CHD9: variants seen among roughly 807,000 people sequenced by gnomAD.
The protein encoded by CHD9 is ATP-dependent chromatin remodeler CHD9.
In CHD9, 77 loss-of-function variants were observed where a neutral mutation model predicts 316.1. The observed-to-expected ratio is 0.24, with a 90% confidence interval of 0.20 to 0.29. CHD9 has a LOEUF of 0.29. Among genes scored for constraint, CHD9 ranks in the 10% least tolerant of loss-of-function variants. The pLI is 1.00. For synonymous variants in CHD9, 1,129 were observed against 1,158.3 expected (o/e 0.97, Z 0.51); for missense variants, 2,763 against 3,438.1 (o/e 0.80, Z 4.91).
chr16:53,175,523 C>G (rs1199838628), intron 2 of CHD9, among the ~76,000 whole-genome samples: 1 of 152,196 alleles, frequency 6.6e-6, no homozygotes, highest in Non-Finnish European at 1.5e-5. Context: ...CCCTATTACT[C>G]CATCTTGGCC....
At chr16:53,124,220 C>G (rs2038870543) in intron 1 of CHD9, among the ~76,000 whole-genome samples, 1 of 152,156 alleles carries the variant, frequency 6.6e-6, no homozygotes, top group Non-Finnish European at 1.5e-5. Flanking sequence ...TCTACTTTCT[C>G]TGCATCTTCA....
chr16:53,067,785 C>T (rs1427635401), intron 1 of CHD9, among the ~76,000 whole-genome samples: 1 of 152,134 alleles, frequency 6.6e-6, no homozygotes, highest in African/African-American at 2.4e-5. Flanking sequence ...GTAAAGTTAA[C>T]TCATTTTCCT....
In CHD9 at chr16:53,238,434, G is replaced by C. The variant is rs1346238993; in HGVS notation, c.2725G>C (p.Gly909Arg). ...TGAAATCCTTCTGACTGGTATAAGA[G>C]GACCTTTCCTGATTATTGCTCCACT... The part of the protein sequence containing the change: ...LYEILLTGIR[G>R]PFLIIAPLST... The change falls in exon 12 of 39, where the codon GGA becomes CGA. Residue 909 changes from glycine to arginine, a missense_variant. Physicochemically the swap from Gly to Arg is moderately radical, Grantham distance 125. This residue lies in a region of CHD9 where 186 missense variants were observed against 245.0 expected (regional missense o/e 0.76). Transcript: ENST00000447540. The C allele has an allele frequency of 6.2e-7, 1 of 1,613,180 alleles. No homozygotes were observed.
rs1160039751 is a variant in CHD9, at chr16:53,286,382, C to G, written c.5189+39C>G. On this transcript the variant is annotated intron_variant, in intron 26 of 38. Transcript: ENST00000447540. ...AGAGTCATGAATTTTCTATATATCTCTCTTCTATTCAATATCAGCATATTC... is the reference window on the plus strand; with the variant it reads ...AGAGTCATGAATTTTCTATATATCTGTCTTCTATTCAATATCAGCATATTC... 3 of 1,037,992 alleles carry G rather than the reference C, an allele frequency of 2.9e-6. No individual in the cohort carries two copies. In the East Asian group the frequency reaches 7.2e-5, roughly 25 times the overall value. The allele number at this position is 1,037,992 out of a possible 1,614,324, so 64.3% of individuals were successfully genotyped here. A position where few individuals can be genotyped will look rare whatever the true frequency, so the allele number is the denominator to read the frequency against.
chr16:53,186,260 G>A (rs562326377), intron 2 of CHD9, among the ~76,000 whole-genome samples: 3 of 152,326 alleles, frequency 2.0e-5, no homozygotes, highest in South Asian at 2.1e-4. Context: ...TGCCCTGGAT[G>A]TGAGACATGG....
At chr16:53,153,311 T>G (rs1327273094) in intron 1 of CHD9, among the ~76,000 whole-genome samples, 1 of 151,842 alleles carries the variant, frequency 6.6e-6, no homozygotes, top group East Asian at 1.9e-4. Flanking sequence ...ATGAGAGAAA[T>G]AGCAGCTTGT....
intron 2 of CHD9, among the ~76,000 whole-genome samples, chr16:53,202,194 C>T (rs142597563): frequency 1.1e-3 from 169 of 152,136 alleles, no homozygotes; most frequent in African/African-American, 3.8e-3. Flanking sequence ...AACTACAAAA[C>T]CAGTTTCACA....
chr16:53,109,525 G>A (rs565547269), intron 1 of CHD9, among the ~76,000 whole-genome samples: 1 of 151,732 alleles, frequency 6.6e-6, no homozygotes, highest in South Asian at 2.1e-4. Flanking sequence ...AGTAGAGACA[G>A]GGTTTCACCA....
At chr16:53,177,673 AT>A (rs1033973734) in intron 2 of CHD9, among the ~76,000 whole-genome samples, 4 of 152,120 alleles carry the variant, frequency 2.6e-5, no homozygotes, top group African/African-American at 7.2e-5. Context: ...CTTACTCCTA[AT>A]TTTTGTTGGT....
chr16:53,135,347 A>G (rs915533624), intron 1 of CHD9, among the ~76,000 whole-genome samples: 3 of 152,324 alleles, frequency 2.0e-5, no homozygotes, highest in Middle Eastern at 3.4e-3. Flanking sequence ...TTTAATCTAC[A>G]TTTTAAAAAT....
chr16:53,296,257 C>A (rs144992546), intron 29 of CHD9, among the ~76,000 whole-genome samples: 2 of 152,012 alleles, frequency 1.3e-5, no homozygotes, highest in African/African-American at 4.8e-5. Context: ...TTGATTTTAT[C>A]TTTTTCCTGA....
At chr16:53,297,892 T>G (rs1004857339) in intron 30 of CHD9, among the ~76,000 whole-genome samples, 6 of 152,258 alleles carry the variant, frequency 3.9e-5, no homozygotes, top group African/African-American at 1.4e-4. Context: ...ACTTGATTAC[T>G]AGGTAATTCA....
intron 2 of CHD9, among the ~76,000 whole-genome samples, chr16:53,183,234 CTT>C (rs530064531): frequency 4.3e-4 from 66 of 152,268 alleles, no homozygotes; most frequent in South Asian, 1.7e-3. Context: ...GTATTTGTTT[CTT>C]TCCTTTTTTT....
intron 1 of CHD9, among the ~76,000 whole-genome samples, chr16:53,065,799 G>T (rs989545203): frequency 6.6e-6 from 1 of 152,118 alleles, no homozygotes; most frequent in African/African-American, 2.4e-5. Flanking sequence ...TGCCTTTTTG[G>T]AGCTCCTCAC....
chr16:53,320,166 A>T lies in CHD9; in HGVS notation c.7714-1360A>T, dbSNP rs2057167153. On this transcript the variant is annotated intron_variant, in intron 37 of 38. Coordinates refer to ENST00000447540, the MANE Select transcript of CHD9 (RefSeq NM_001308319.2). ...ATTCCAGCCTGGGCCACAGAGTGAGACCTTAAAAAAAAGTGAGTGAGTGAG... is the reference window on the plus strand; with the variant it reads ...ATTCCAGCCTGGGCCACAGAGTGAGTCCTTAAAAAAAAGTGAGTGAGTGAG... Among the ~76,000 whole-genome samples, 2 of 149,660 alleles carry T rather than the reference A, an allele frequency of 1.3e-5. 1 individual carries two copies. Among genetic ancestry groups the T allele is most frequent in the South Asian group, 4.2e-4 (2 of 4,710 alleles).
intron 2 of CHD9, among the ~76,000 whole-genome samples, chr16:53,177,559 A>G (rs775559794): frequency 6.6e-6 from 1 of 152,206 alleles, no homozygotes; most frequent in African/African-American, 2.4e-5. Context: ...GATAGAGTCT[A>G]CATAGCCTTT....
At chr16:53,185,344 C>T (rs2043894792) in intron 2 of CHD9, among the ~76,000 whole-genome samples, 1 of 152,114 alleles carries the variant, frequency 6.6e-6, no homozygotes, top group South Asian at 2.1e-4. Flanking sequence ...GTCACTTTTG[C>T]TATGCAAAGA....
chr16:53,297,471 T>G (rs2054907629), intron 30 of CHD9, among the ~76,000 whole-genome samples: 1 of 152,202 alleles, frequency 6.6e-6, no homozygotes, highest in African/African-American at 2.4e-5. Context: ...TAACCTATAT[T>G]TTCAGTCCAT....
At position 53,247,342 on chromosome 16, in the gene CHD9, T is replaced by A; in HGVS notation, c.3504T>A (p.Ala1168=). Residue 1168 remains alanine, a synonymous_variant, in exon 16 of 39, where the codon GCT becomes GCA. Coordinates refer to ENST00000447540, the MANE Select transcript of CHD9 (RefSeq NM_001308319.2). ...AATTTAGAGATACTTACAATCCAGC[T>A]GCTTCTGATTTTCATCTTCAAGCAA... ...LGEFRDTYNP[A]ASDFHLQAMI... 1 of 1,606,482 alleles carries A rather than the reference T, an allele frequency of 6.2e-7. No homozygotes were observed. The highest frequency in any genetic ancestry group is 8.5e-7 in the Non-Finnish European group (1 of 1,175,924).
Sources: gnomAD v4.1 joint callset for allele counts (sites outside exome capture counted in the v4.1 genomes callset) on GRCh38, gnomAD v4.1.1 for gene constraint, gnomAD v4.1.1 regional missense constraint, MANE v1.5 for transcripts, NCBI Gene and HGNC (gene_info 2026-07-23, HGNC 2026-07-21) for gene names.